LRRK2: variants seen among roughly 807,000 people sequenced by gnomAD.
LRRK2 encodes the protein leucine rich repeat kinase 2.
LRRK2 carries 203 observed loss-of-function variants against 302.6 expected under a neutral mutation model. The ratio of observed to expected loss-of-function variants is 0.67; its 90% CI spans 0.60 to 0.75. The LOEUF (loss-of-function observed/expected upper bound fraction) is 0.75. Ranked by LOEUF, LRRK2 falls within the 30% of genes least tolerant of loss-of-function variation. The probability of loss-of-function intolerance (pLI) is 0.00; values close to 1 mark genes in which losing one functional copy is unlikely to be tolerated. For synonymous variants in LRRK2, 1,066 were observed against 1,031.9 expected (o/e 1.03, Z -0.63); for missense variants, 2,830 against 2,951.0 (o/e 0.96, Z 0.95).
At chr12:40,364,534 C>G (rs1946818298) in intron 48 of LRRK2, among the ~76,000 whole-genome samples, 1 of 150,640 alleles carries the variant, frequency 6.6e-6, no homozygotes, top group African/African-American at 2.4e-5. Flanking sequence ...TTTCTTTATC[C>G]TGGGCACATG....
chr12:40,284,059 G>T lies in LRRK2; in HGVS notation c.2426G>T (p.Cys809Phe), dbSNP rs778635781. 6.2e-7 allele frequency: 1 copy of T among 1,613,610 alleles called. No homozygotes were observed. The highest frequency in any genetic ancestry group is 8.5e-7 in the Non-Finnish European group (1 of 1,179,642). ...AATAGCATTTGCCTTGGAGGATTTT[G>T]TATAGGAAAAGTTGAACCTTCTTGG... ...ANNSICLGGFCIGKVEPSWLG... is the reference protein window; with the variant it reads ...ANNSICLGGFFIGKVEPSWLG... The change falls in exon 19 of 51, where the codon TGT (cysteine) becomes TTT (phenylalanine). Residue 809 changes from cysteine (C) to phenylalanine (F), a missense_variant. This residue lies in a region of LRRK2 where 2,121 missense variants were observed against 2,148.0 expected (regional missense o/e 0.99). Transcript: ENST00000298910.
intron 40 of LRRK2, among the ~76,000 whole-genome samples, chr12:40,339,729 C>G (rs1395955761): frequency 6.6e-6 from 1 of 152,072 alleles, no homozygotes; most frequent in Non-Finnish European, 1.5e-5. Flanking sequence ...CTTATATTTT[C>G]ATTTGTTTTC....
rs1191982690 is a variant in LRRK2, at chr12:40,225,239, C to T, written c.108C>T (p.Val36=). 1 of 1,614,120 alleles carries T rather than the reference C, an allele frequency of 6.2e-7. No individual in the cohort carries two copies. Among genetic ancestry groups the T allele is most frequent in the South Asian group, 1.1e-5 (1 of 91,068 alleles). ...AAGGAAAACAGATAGAAACGCTGGTCCAAATCCTGGAGGATCTGCTGGTGT... is the reference window on the plus strand; with the variant it reads ...AAGGAAAACAGATAGAAACGCTGGTTCAAATCCTGGAGGATCTGCTGGTGT... ...VQEGKQIETL[V]QILEDLLVFT... Residue 36 remains valine, a synonymous_variant, in exon 1 of 51, where the codon GTC becomes GTT. Coordinates refer to ENST00000298910, the MANE Select transcript of LRRK2 (RefSeq NM_198578.4).
Position 40,243,858 on chromosome 12 carries a change from T to C in LRRK2, c.838+177T>C, listed in dbSNP as rs113160214. 3.3e-3 allele frequency among the ~76,000 whole-genome samples: 504 copies of C among 152,160 alleles called. 6 individuals carry two copies. Among genetic ancestry groups the C allele is most frequent in the African/African-American group, 0.011 (457 of 41,536 alleles). On this transcript the variant is annotated intron_variant, in intron 7 of 50. Coordinates refer to ENST00000298910, the MANE Select transcript of LRRK2 (RefSeq NM_198578.4). ...AAGAAAATACTGTAAATTACCAAAC[T>C]GTTCTGCTGTGCTTAGATGGACTTT... is the stretch of plus-strand genomic sequence containing the variant.
intron 19 of LRRK2, chr12:40,286,327 A>C (rs1943925176): frequency 6.6e-6 from 1 of 152,002 alleles, no homozygotes; most frequent in Admixed American, 6.6e-5. Flanking sequence ...CCCATATCAT[A>C]ACATATTACT....
chr12:40,301,874 C>A (rs1944640614), intron 25 of LRRK2, among the ~76,000 whole-genome samples: 1 of 152,080 alleles, frequency 6.6e-6, no homozygotes, highest in South Asian at 2.1e-4. Flanking sequence ...TACTGCATTT[C>A]CTTCTTAACA....
At chr12:40,345,440 T>C (rs1266161984) in intron 41 of LRRK2, among the ~76,000 whole-genome samples, 2 of 151,746 alleles carry the variant, frequency 1.3e-5, no homozygotes, top group Non-Finnish European at 2.9e-5. Context: ...CTGACCAACA[T>C]GGTGAAACCC....
At chr12:40,358,135 G>A (rs948457644) in intron 46 of LRRK2, among the ~76,000 whole-genome samples, 6 of 150,800 alleles carry the variant, frequency 4.0e-5, no homozygotes, top group African/African-American at 1.2e-4. Context: ...AGTTTCTTGT[G>A]TATTCTGGAT....
At chr12:40,254,291 C>T (rs762447282) in intron 11 of LRRK2, among the ~76,000 whole-genome samples, 7 of 152,162 alleles carry the variant, frequency 4.6e-5, no homozygotes, top group African/African-American at 9.7e-5. Flanking sequence ...CCACCTCATG[C>T]ATGTTTCTTT....
chr12:40,317,745 G>C (rs952365767), intron 33 of LRRK2, among the ~76,000 whole-genome samples: 1 of 152,098 alleles, frequency 6.6e-6, no homozygotes, highest in Non-Finnish European at 1.5e-5. Flanking sequence ...AGCTATTCAG[G>C]TTATGAGGTT....
chr12:40,261,641 C>G (rs979885976), intron 13 of LRRK2, among the ~76,000 whole-genome samples: 4 of 152,074 alleles, frequency 2.6e-5, no homozygotes, highest in African/African-American at 9.7e-5. Flanking sequence ...CCGTATCATT[C>G]TAGGTATCAA....
At chr12:40,345,751 A>G (rs1323284428) in intron 41 of LRRK2, among the ~76,000 whole-genome samples, 1 of 151,734 alleles carries the variant, frequency 6.6e-6, no homozygotes, top group Non-Finnish European at 1.5e-5. Context: ...CTCTTTGCGT[A>G]TGAATGAATC....
rs749481386 is a variant in LRRK2, at chr12:40,274,965, T to C, written c.1913T>C (p.Phe638Ser). Reference protein sequence around the residue: ...AKILVSSLYRFKDVAEIQTKG... With the variant: ...AKILVSSLYRSKDVAEIQTKG... The stretch of plus-strand genomic sequence containing the variant: ...ATTCTGGTTTCCAGCTTATACCGAT[T>C]TAAGGATGTTGCTGAAATACAGACT... Residue 638 changes from phenylalanine (F) to serine (S), a missense_variant, in exon 16 of 51, where the codon TTT becomes TCT. Phe to Ser is a radical substitution (Grantham distance 155). Coordinates refer to ENST00000298910, the MANE Select transcript of LRRK2 (RefSeq NM_198578.4). The C allele has an allele frequency of 6.2e-7, 1 of 1,614,002 alleles. No homozygotes were observed. Among genetic ancestry groups the C allele is most frequent in the Non-Finnish European group, 8.5e-7 (1 of 1,179,910 alleles).
chr12:40,238,228 G>T, intron 5 of LRRK2, 125 bp downstream of exon 5: 1 of 986,462 alleles, frequency 1.0e-6, no homozygotes, highest in Non-Finnish European at 1.5e-6. Flanking sequence ...AGAAGTGGGA[G>T]TTGTCTGTCA....
intron 41 of LRRK2, among the ~76,000 whole-genome samples, chr12:40,341,946 A>G (rs1371055206): frequency 6.6e-6 from 1 of 152,242 alleles, no homozygotes; most frequent in Non-Finnish European, 1.5e-5. Context: ...ATGAAATTCC[A>G]TAGACCTGAT....
At chr12:40,319,398 G>A (rs10784509) in intron 33 of LRRK2, among the ~76,000 whole-genome samples, 86,004 of 151,746 alleles carry the variant, frequency 0.57, 24,512 homozygotes, top group South Asian at 0.7. Flanking sequence ...AGCTCAAAGT[G>A]TGATCTCTGT....
chr12:40,356,805 G>A (rs1159170333), intron 46 of LRRK2, among the ~76,000 whole-genome samples: 3 of 152,112 alleles, frequency 2.0e-5, no homozygotes, highest in African/African-American at 7.2e-5. Context: ...TTTCGAATAT[G>A]ACCTAAATTT....
chr12:40,284,149 A>G lies in LRRK2; in HGVS notation c.2500+16A>G. 2 of 1,588,410 alleles carry G rather than the reference A, an allele frequency of 1.3e-6. No individual in the cohort carries two copies. Among genetic ancestry groups the G allele is most frequent in the South Asian group, 1.1e-5 (1 of 88,100 alleles). On this transcript the variant is annotated intron_variant, in intron 19 of 50. Coordinates refer to ENST00000298910, the MANE Select transcript of LRRK2 (RefSeq NM_198578.4). Reference sequence around the variant, plus strand: ...AAACAAACAAGTAAGTAACAAGGAGAATATTTTTTACAATTCTTATTTTTA... The same window carrying G: ...AAACAAACAAGTAAGTAACAAGGAGGATATTTTTTACAATTCTTATTTTTA...
chr12:40,262,859 A>C (rs2136536720), intron 13 of LRRK2, among the ~76,000 whole-genome samples: 1 of 152,304 alleles, frequency 6.6e-6, no homozygotes, highest in Non-Finnish European at 1.5e-5. Context: ...AGACAGTTTA[A>C]GGGACTTGCC....
Sources: gnomAD v4.1 joint callset for allele counts (sites outside exome capture counted in the v4.1 genomes callset) on GRCh38, gnomAD v4.1.1 for gene constraint, gnomAD v4.1.1 regional missense constraint, MANE v1.5 for transcripts, NCBI Gene and HGNC (gene_info 2026-07-23, HGNC 2026-07-21) for gene names.